SYNPR: variants seen among roughly 807,000 people sequenced by gnomAD.
SYNPR encodes synaptoporin.
A neutral mutation model predicts 32.9 loss-of-function variants in SYNPR; 23 were observed. The observed-to-expected ratio is 0.70, with a 90% confidence interval of 0.50 to 0.99. The LOEUF is 0.99. SYNPR is among the 50% of genes least tolerant of loss of function. SYNPR has a pLI of 0.00. For synonymous variants in SYNPR, 146 were observed against 135.9 expected (o/e 1.07, Z -0.52); for missense variants, 318 against 349.3 (o/e 0.91, Z 0.71).
At chr3:63,452,202 G>A (rs747738549) in intron 2 of SYNPR, 37 of 620,280 alleles carry the variant, frequency 6.0e-5, no homozygotes, top group Admixed American at 9.4e-5. Flanking sequence ...AGCAGCCACT[G>A]GGTGCCGGGT....
the SYNPR span, among the ~76,000 whole-genome samples, chr3:63,220,129 T>C: frequency 2.0e-5 from 3 of 152,208 alleles, no homozygotes; most frequent in South Asian, 2.1e-4. Flanking sequence ...TAAACATTTA[T>C]TGTACAAATG....
intron 5 of SYNPR, among the ~76,000 whole-genome samples, chr3:63,612,899 CCTCCT>C (rs1379156049): frequency 1.3e-5 from 2 of 148,192 alleles, no homozygotes; most frequent in Non-Finnish European, 3.0e-5. Flanking sequence ...CCTCCACTCC[CCTCCT>C]CTCCTCTCCT....
intron 2 of SYNPR, among the ~76,000 whole-genome samples, chr3:63,449,037 A>T (rs1295111724): frequency 6.6e-6 from 1 of 152,182 alleles, no homozygotes; most frequent in Non-Finnish European, 1.5e-5. Context: ...TCTTATAAGC[A>T]TTATTTATTG....
intron 3 of SYNPR, among the ~76,000 whole-genome samples, chr3:63,524,665 C>T (rs1701973410): frequency 6.6e-6 from 1 of 152,120 alleles, no homozygotes; most frequent in Non-Finnish European, 1.5e-5. Flanking sequence ...GGGGTGTCAT[C>T]CTCAATTTGC....
At chr3:63,505,085 T>C (rs1701562310) in intron 3 of SYNPR, among the ~76,000 whole-genome samples, 1 of 152,104 alleles carries the variant, frequency 6.6e-6, no homozygotes, top group Non-Finnish European at 1.5e-5. Flanking sequence ...CAGTGATCAG[T>C]GTTAACAGCT....
At chr3:63,294,324 T>G (rs1308121428) in intron 2 of SYNPR, among the ~76,000 whole-genome samples, 1 of 152,238 alleles carries the variant, frequency 6.6e-6, no homozygotes, top group Non-Finnish European at 1.5e-5. Context: ...GTGTTATCAG[T>G]TGGGTATTAC....
intron 2 of SYNPR, among the ~76,000 whole-genome samples, chr3:63,345,611 C>G (rs1270420740): frequency 1.3e-5 from 2 of 152,112 alleles, no homozygotes; most frequent in African/African-American, 4.8e-5. Flanking sequence ...TCTCGCCTAG[C>G]CTCTCTTCTC....
At chr3:63,275,255 A>G (rs6765454), upstream of SYNPR, among the ~76,000 whole-genome samples, 1,848 of 152,286 alleles carry the variant, frequency 0.012, 33 homozygotes, top group African/African-American at 0.041. Flanking sequence ...AGGGAACCCA[A>G]TGTTATTTCC....
chr3:63,254,085 G>A (rs4618216), intron 2 of SYNPR, among the ~76,000 whole-genome samples: 32,281 of 151,888 alleles, frequency 0.21, 4,210 homozygotes, highest in Admixed American at 0.31. Flanking sequence ...ACCAAACACC[G>A]CATGTTCTCA....
At chr3:63,553,931 G>A (rs959573660) in intron 3 of SYNPR, among the ~76,000 whole-genome samples, 2 of 152,100 alleles carry the variant, frequency 1.3e-5, no homozygotes, top group Non-Finnish European at 2.9e-5. Flanking sequence ...ATGTTGGTCA[G>A]GCTGGTCTCG....
At chr3:63,411,075 A>C (rs2088458260) in intron 2 of SYNPR, among the ~76,000 whole-genome samples, 1 of 152,160 alleles carries the variant, frequency 6.6e-6, no homozygotes, top group African/African-American at 2.4e-5. Context: ...AATGAGCTGC[A>C]GTCAGCTTCT....
At chr3:63,587,066 C>T (rs148774698) in intron 4 of SYNPR, among the ~76,000 whole-genome samples, 32 of 151,896 alleles carry the variant, frequency 2.1e-4, no homozygotes, top group Non-Finnish European at 1.2e-4. Flanking sequence ...AAGTTTGGGC[C>T]ATAATTATTT....
intron 3 of SYNPR, among the ~76,000 whole-genome samples, chr3:63,553,716 T>G (rs1702542407): frequency 6.6e-6 from 1 of 152,164 alleles, no homozygotes; most frequent in African/African-American, 2.4e-5. Context: ...TATGTCTTTT[T>G]TGTTTGTTTG....
chr3:63,404,440 C>A (rs2088332577), intron 2 of SYNPR, among the ~76,000 whole-genome samples: 1 of 152,128 alleles, frequency 6.6e-6, no homozygotes, highest in Admixed American at 6.6e-5. Flanking sequence ...GTTTTTCAGA[C>A]AAGATCCCTT....
chr3:63,462,570 T>C (rs1700604843), intron 2 of SYNPR, among the ~76,000 whole-genome samples: 1 of 152,164 alleles, frequency 6.6e-6, no homozygotes, highest in Non-Finnish European at 1.5e-5. Context: ...TTTAGGTCGC[T>C]GAGTTATACT....
chr3:63,379,007 T>C (rs761965380), intron 2 of SYNPR, among the ~76,000 whole-genome samples: 2 of 152,176 alleles, frequency 1.3e-5, no homozygotes, highest in Non-Finnish European at 2.9e-5. Flanking sequence ...GTTTTTATTT[T>C]CATTCAATTC....
chr3:63,311,254 C>T (rs932429058), intron 2 of SYNPR, among the ~76,000 whole-genome samples: 5 of 151,842 alleles, frequency 3.3e-5, no homozygotes, highest in African/African-American at 1.2e-4. Flanking sequence ...TTATCTGTTC[C>T]CCTGACAACC....
chr3:63,207,749 T>A, the SYNPR span, among the ~76,000 whole-genome samples: 1 of 151,868 alleles, frequency 6.6e-6, no homozygotes. Flanking sequence ...TAACAGAAAA[T>A]CTCCTGTCCA....
chr3:63,264,086 T>C (rs2086461047), intron 2 of SYNPR, among the ~76,000 whole-genome samples: 1 of 152,154 alleles, frequency 6.6e-6, no homozygotes, highest in Non-Finnish European at 1.5e-5. Flanking sequence ...GGTCTTTCTG[T>C]CTCCACAAAG....
Sources: gnomAD v4.1 joint callset for allele counts (sites outside exome capture counted in the v4.1 genomes callset) on GRCh38, gnomAD v4.1.1 for gene constraint, MANE v1.5 for transcripts, NCBI Gene and HGNC (gene_info 2026-07-23, HGNC 2026-07-21) for gene names.